Variants in ARHGAP21 observed in about 807,000 individuals in gnomAD.
ARHGAP21 encodes rho GTPase-activating protein 21.
ARHGAP21 carries 38 observed loss-of-function variants against 164.6 expected under a neutral mutation model. The ratio of observed to expected loss-of-function variants is 0.23; its 90% CI spans 0.18 to 0.30. ARHGAP21 has a LOEUF of 0.30. Among genes scored for constraint, ARHGAP21 ranks in the 10% least tolerant of loss-of-function variants. The pLI is 1.00. For missense variants in ARHGAP21, 1,822 were observed against 2,370.7 expected (o/e 0.77, Z 4.81); for synonymous variants, 766 against 857.9 (o/e 0.89, Z 1.87).
chr10:24,595,999 T>G lies in ARHGAP21; in HGVS notation c.3522A>C (p.Glu1174Asp). Residue 1174 changes from glutamate to aspartate, a missense_variant, in exon 18 of 26, where the codon GAA becomes GAC. Around this residue, in one of 5 missense-constraint regions of ARHGAP21, gnomAD observed 117 missense variants for 238.1 expected, o/e 0.49. Transcript: ENST00000396432. ...IVDICCKLVE[E>D]RGLEYTGIYR... ...AAATACCTGTATATTCAAGACCTCT[T>G]TCTTCAACTAATTTGCAACATATGT... 3.1e-6 allele frequency: 5 copies of G among 1,610,080 alleles called. No homozygotes were observed. Among genetic ancestry groups the G allele is most frequent in the Non-Finnish European group, 4.2e-6 (5 of 1,178,120 alleles).
At position 24,619,928 on chromosome 10, in the gene ARHGAP21, T is replaced by C. The variant is rs749154396; in HGVS notation, c.1967A>G (p.His656Arg). Reference sequence around the variant, plus strand: ...CTGCTGATTCAACAGACTGTTCTGATGCAAGTGATTTACTGGTCTTTGGTC... The same window carrying C: ...CTGCTGATTCAACAGACTGTTCTGACGCAAGTGATTTACTGGTCTTTGGTC... ...IKDQRPVNHL[H>R]QNSLLNQQTW... is the part of the protein sequence containing the mutation. Residue 656 changes from histidine (H) to arginine (R), a missense_variant, in exon 9 of 26, where the codon CAT becomes CGT. Physicochemically the swap from His to Arg is conservative, Grantham distance 29. Transcript: ENST00000396432. 3 of 1,614,182 alleles carry C rather than the reference T, an allele frequency of 1.9e-6. No homozygotes were observed. Among genetic ancestry groups the C allele is most frequent in the African/African-American group, 1.3e-5 (1 of 75,050 alleles).
chr10:24,627,348 A>G (rs925838093), intron 7 of ARHGAP21, among the ~76,000 whole-genome samples: 3 of 152,228 alleles, frequency 2.0e-5, no homozygotes, highest in Admixed American at 6.5e-5. Flanking sequence ...TAAGATCTGC[A>G]TAAGTACTTC....
In ARHGAP21 at chr10:24,647,491, T is replaced by C. The variant is rs985403647; in HGVS notation, c.269-12388A>G. ...TTGATGGGAAAAGACAAAAGAAAAG[T>C]AGGAGGGCAGTCAGAAATCTGCTTT... On this transcript the variant is annotated intron_variant, in intron 4 of 25. Coordinates refer to ENST00000396432, the MANE Select transcript of ARHGAP21 (RefSeq NM_020824.4). Among the ~76,000 whole-genome samples, 2 of 152,138 alleles carry C rather than the reference T, an allele frequency of 1.3e-5. 1 individual carries two copies. Among genetic ancestry groups the C allele is most frequent in the African/African-American group, 4.8e-5 (2 of 41,426 alleles).
At chr10:24,712,379 T>C (rs748158328) in intron 2 of ARHGAP21, among the ~76,000 whole-genome samples, 1 of 152,168 alleles carries the variant, frequency 6.6e-6, no homozygotes, top group Non-Finnish European at 1.5e-5. Context: ...GGTCCTTCAA[T>C]ATTCATGGGA....
intron 2 of ARHGAP21, among the ~76,000 whole-genome samples, chr10:24,706,131 A>G (rs1844204236): frequency 6.6e-6 from 1 of 152,172 alleles, no homozygotes; most frequent in Non-Finnish European, 1.5e-5. Flanking sequence ...AAAGCAACTC[A>G]CTCCAAAATC....
At chr10:24,602,375 TTA>T (rs1463770710) in intron 12 of ARHGAP21, among the ~76,000 whole-genome samples, 1 of 152,176 alleles carries the variant, frequency 6.6e-6, no homozygotes, top group Non-Finnish European at 1.5e-5. Context: ...CGTTTGTGAT[TTA>T]TGTTATTTGA....
chr10:24,716,374 G>A (rs772031403), intron 2 of ARHGAP21, among the ~76,000 whole-genome samples: 4 of 152,224 alleles, frequency 2.6e-5, no homozygotes, highest in Non-Finnish European at 4.4e-5. Context: ...CACTCGGAAG[G>A]TGACCTCTAA....
chr10:24,718,353 A>G (rs546707445), intron 2 of ARHGAP21, among the ~76,000 whole-genome samples: 17 of 152,356 alleles, frequency 1.1e-4, no homozygotes, highest in Admixed American at 3.3e-4. Context: ...GAAAAGGTCT[A>G]GAGATCAACC....
intron 4 of ARHGAP21, among the ~76,000 whole-genome samples, chr10:24,658,060 T>TAAA (rs1554991404): frequency 0.024 from 3,601 of 147,374 alleles, 134 homozygotes; most frequent in African/African-American, 0.079. Context: ...AAAAATAAAT[T>TAAA]AAAAAAAAAA....
Position 24,660,386 on chromosome 10 carries a change from T to TAAAAAAAAAA in ARHGAP21, c.268+6589_268+6598dup, listed in dbSNP as rs56053080. 2.1e-3 allele frequency among the ~76,000 whole-genome samples: 125 copies of TAAAAAAAAAA among 60,062 alleles called. 7 individuals carry two copies. The highest frequency in any genetic ancestry group is 7.3e-3 in the African/African-American group (118 of 16,124). 39.4% of individuals were successfully genotyped at this position (60,062 alleles called of 152,430 possible). ...GCACAGAGCAACACCCTCTCTCTCT[T>TAAAAAAAAAA]AAAAAAAAAAAAAAAAAAAAAAAAG... is the stretch of plus-strand genomic sequence containing the variant. On this transcript the variant is annotated intron_variant, in intron 4 of 25. Transcript: ENST00000396432.
intron 2 of ARHGAP21, among the ~76,000 whole-genome samples, chr10:24,711,504 T>C (rs1335497577): frequency 6.6e-6 from 1 of 152,224 alleles, no homozygotes; most frequent in Non-Finnish European, 1.5e-5. Context: ...AACTCAAACC[T>C]GTTTCACATG....
intron 4 of ARHGAP21, among the ~76,000 whole-genome samples, chr10:24,655,349 G>A (rs1488913694): frequency 2.0e-5 from 3 of 152,134 alleles, no homozygotes; most frequent in African/African-American, 7.2e-5. Context: ...CAGAATGGGA[G>A]GAAATTTTTA....
At position 24,723,843 on chromosome 10, in the gene ARHGAP21, G is replaced by GCCGGT. The variant is rs1846164550; in HGVS notation, c.-663_-662insACCGG. Among the ~76,000 whole-genome samples, 1 of 150,296 alleles carries GCCGGT rather than the reference G, an allele frequency of 6.7e-6. No individual in the cohort carries two copies. The highest frequency in any genetic ancestry group is 2.4e-5 in the African/African-American group (1 of 41,152). On this transcript the variant is annotated 5_prime_UTR_variant, in exon 1 of 26. Transcript: ENST00000396432. ...CTCTCCCCTCGCCTCGCCGGGCCGG[G>GCCGGT]CCGGGGCCCAGCTCCGGCGCCCGCG...
At chr10:24,643,039 T>C (rs1211506275) in intron 4 of ARHGAP21, among the ~76,000 whole-genome samples, 1 of 152,156 alleles carries the variant, frequency 6.6e-6, no homozygotes, top group African/African-American at 2.4e-5. Flanking sequence ...ATAAGGAAAA[T>C]GCTGCCACTC....
rs775758205 is a variant in ARHGAP21, at chr10:24,585,694, A to C, written c.4595T>G (p.Leu1532Arg). Residue 1532 changes from leucine (L) to arginine (R), a missense_variant, in exon 26 of 26, where the codon CTG becomes CGG. Physicochemically the swap from Leu to Arg is moderately radical, Grantham distance 102 (BLOSUM62 -2). This residue lies in a region of ARHGAP21 where 333 missense variants were observed against 383.9 expected (regional missense o/e 0.87). Transcript: ENST00000396432. ...TTCAAGGTGGGAGGACTTCTGTGCC[A>C]GAAGTGACCTGGGGCTCTCTTTCAG... is the stretch of plus-strand genomic sequence containing the variant. ...AILKESPRSLLAQKSSHLEET... is the reference protein window; with the variant it reads ...AILKESPRSLRAQKSSHLEET... 22 of 1,614,166 alleles carry C rather than the reference A, an allele frequency of 1.4e-5. No homozygotes were observed. Among genetic ancestry groups the C allele is most frequent in the Non-Finnish European group, 1.7e-5 (20 of 1,180,034 alleles).
At chr10:24,598,436 C>T (rs1306101273) in intron 14 of ARHGAP21, among the ~76,000 whole-genome samples, 1 of 152,170 alleles carries the variant, frequency 6.6e-6, no homozygotes, top group Non-Finnish European at 1.5e-5. Flanking sequence ...TGAAAACAGA[C>T]TGCCAGAATT....
chr10:24,656,555 G>A (rs1336293935), intron 4 of ARHGAP21, among the ~76,000 whole-genome samples: 5 of 100,458 alleles, frequency 5.0e-5, no homozygotes, highest in Admixed American at 2.6e-4. Context: ...CGCCCTGTCC[G>A]GGAGGGAGGT....
rs777825082 is a variant in ARHGAP21, at chr10:24,597,995, A to G, written c.3147T>C (p.Thr1049=). 5.6e-6 allele frequency: 9 copies of G among 1,612,554 alleles called. No individual in the cohort carries two copies. In the East Asian group the frequency reaches 1.8e-4, roughly 32 times the overall value. ...SNLNEEDTGV[T]NRDLISRRIK... is the part of the protein sequence containing the mutation. ...TTCTTCGACTAATTAGATCCCTGTT[A>G]GTGACTCCAGTGTCCTACAGAATAA... The change falls in exon 15 of 26, where the codon ACT becomes ACC. Residue 1049 remains threonine (T), a synonymous_variant. Transcript: ENST00000396432.
chr10:24,681,883 A>T (rs1353034470), intron 2 of ARHGAP21, among the ~76,000 whole-genome samples: 1 of 152,044 alleles, frequency 6.6e-6, no homozygotes, highest in Non-Finnish European at 1.5e-5. Context: ...GTAACACTGG[A>T]AGATGGCATG....
Sources: allele counts gnomAD v4.1 joint callset (sites outside exome capture counted in the v4.1 genomes callset), GRCh38; gene constraint gnomAD v4.1.1; regional missense constraint gnomAD v4.1.1; transcripts MANE v1.5; gene names NCBI Gene and HGNC (gene_info 2026-07-23, HGNC 2026-07-21).